The following CCDC148 variants were observed in gnomAD, a reference collection of about 807,000 sequenced individuals.
CCDC148 encodes coiled-coil domain-containing protein 148.
Under a neutral mutation model 85.7 loss-of-function variants are expected in CCDC148, and 89 were observed. That is an observed-to-expected ratio of 1.04 (90% CI 0.87 to 1.24). The LOEUF (loss-of-function observed/expected upper bound fraction) is 1.24. CCDC148 is among the 50% of genes most tolerant of loss of function. The pLI is 0.00. For missense variants in CCDC148, 692 were observed against 671.7 expected (o/e 1.03, Z -0.33); for synonymous variants, 230 against 213.9 (o/e 1.08, Z -0.66).
At chr2:158,236,682 A>T (rs1168356375) in intron 10 of CCDC148, among the ~76,000 whole-genome samples, 1 of 152,186 alleles carries the variant, frequency 6.6e-6, no homozygotes, top group African/African-American at 2.4e-5. Flanking sequence ...CACAGAGCCT[A>T]CATAACTTGC....
chr2:158,418,623 G>A (rs1686618655), intron 1 of CCDC148, among the ~76,000 whole-genome samples: 1 of 150,252 alleles, frequency 6.7e-6, no homozygotes, highest in South Asian at 2.1e-4. Context: ...GATCTTATGT[G>A]ACAATCCTGC....
At chr2:158,327,893 G>A (rs1308764427) in intron 7 of CCDC148, among the ~76,000 whole-genome samples, 1 of 151,934 alleles carries the variant, frequency 6.6e-6, no homozygotes, top group East Asian at 1.9e-4. Flanking sequence ...TCTATATTTA[G>A]AATTGCTATT....
Position 158,178,906 on chromosome 2 carries a change from T to C in CCDC148, c.1461A>G (p.Ala487=), listed in dbSNP as rs1371729869. Reference sequence around the variant, plus strand: ...GTTTCCTAAGGGCTTCTAGCCGCCGTGCTCTCTCTTTGTCTTCATGAGCTT... The same window carrying C: ...GTTTCCTAAGGGCTTCTAGCCGCCGCGCTCTCTCTTTGTCTTCATGAGCTT... The part of the protein sequence containing the change: ...LQEAHEDKER[A]RRLEALRKQV... The change falls in exon 12 of 14, where the codon GCA becomes GCG. Residue 487 remains alanine (A), a synonymous_variant. Transcript: ENST00000283233. 4 of 1,613,614 alleles carry C rather than the reference T, an allele frequency of 2.5e-6. No homozygotes were observed. The South Asian group carries it at 4.4e-5, about 18-fold the overall frequency.
At chr2:158,268,013 T>A (rs1689544005) in intron 9 of CCDC148, among the ~76,000 whole-genome samples, 1 of 152,162 alleles carries the variant, frequency 6.6e-6, no homozygotes, top group Non-Finnish European at 1.5e-5. Context: ...GACGTTTGGG[T>A]TGTTTCCAGT....
chr2:158,249,079 C>T (rs1344011441), intron 10 of CCDC148, among the ~76,000 whole-genome samples: 1 of 152,088 alleles, frequency 6.6e-6, no homozygotes, highest in Non-Finnish European at 1.5e-5. Context: ...AGTTCCTCAA[C>T]CCAAACTTAA....
At chr2:158,247,556 C>T (rs905954225) in intron 10 of CCDC148, among the ~76,000 whole-genome samples, 2 of 152,098 alleles carry the variant, frequency 1.3e-5, no homozygotes, top group East Asian at 3.9e-4. Flanking sequence ...TACTACGGAA[C>T]ACTATGTAGC....
intron 1 of CCDC148, among the ~76,000 whole-genome samples, chr2:158,387,268 A>G (rs1190417041): frequency 1.4e-5 from 2 of 141,560 alleles, no homozygotes; most frequent in Non-Finnish European, 3.0e-5. Flanking sequence ...TAGAAAACAC[A>G]GGCCCACACA....
chr2:158,176,408 T>A (rs933411431), intron 13 of CCDC148, 113 bp downstream of exon 13: 1 of 984,222 alleles, frequency 1.0e-6, no homozygotes, highest in Non-Finnish European at 1.5e-6. Flanking sequence ...TATGCTAATA[T>A]GTAAGATATT....
rs1046927870 is a variant in CCDC148, at chr2:158,456,467, G to A, written c.-28C>T. The A allele has an allele frequency of 1.9e-6, 3 of 1,607,044 alleles. No homozygotes were observed. The highest frequency in any genetic ancestry group is 2.2e-5 in the East Asian group (1 of 44,742). On this transcript the variant is annotated 5_prime_UTR_variant, in exon 1 of 14. Coordinates refer to ENST00000283233, the MANE Select transcript of CCDC148 (RefSeq NM_138803.4). ...CAAAGGTCAAAGGGCATAGCCTCAG[G>A]GACTCCCCAAACGCAGGAAAAGTGA...
chr2:158,326,348 TTCTA>T (rs1363146603), intron 7 of CCDC148, among the ~76,000 whole-genome samples: 1 of 152,120 alleles, frequency 6.6e-6, no homozygotes, highest in Non-Finnish European at 1.5e-5. Flanking sequence ...CCCCAACACT[TTCTA>T]TCTCTCTTAC....
intron 1 of CCDC148, among the ~76,000 whole-genome samples, chr2:158,409,420 T>C (rs142291966): frequency 0.016 from 2,509 of 152,350 alleles, 28 homozygotes; most frequent in Non-Finnish European, 0.027. Context: ...ATGTGAGACA[T>C]GGACTCAAAG....
intron 1 of CCDC148, among the ~76,000 whole-genome samples, chr2:158,432,772 AAAT>A (rs1687412643): frequency 6.6e-6 from 1 of 152,020 alleles, no homozygotes; most frequent in African/African-American, 2.4e-5. Flanking sequence ...AAAGCCAAAA[AAAT>A]AAATTACAGG....
intron 12 of CCDC148, 143 bp from the exon 13 acceptor site, chr2:158,176,804 T>C (rs896398046): frequency 1.1e-5 from 10 of 887,396 alleles, no homozygotes; most frequent in African/African-American, 1.7e-5. Flanking sequence ...GAAATATTAA[T>C]TGGTCAGTCC....
At chr2:158,296,384 G>A (rs4416173) in intron 9 of CCDC148, among the ~76,000 whole-genome samples, 5 of 152,116 alleles carry the variant, frequency 3.3e-5, no homozygotes, top group Non-Finnish European at 7.3e-5. Flanking sequence ...GACTTGAGAT[G>A]TGTGGATCTA....
chr2:158,348,950 G>A (rs1008535607), intron 2 of CCDC148, among the ~76,000 whole-genome samples: 1 of 152,016 alleles, frequency 6.6e-6, no homozygotes. Context: ...TACACACAAT[G>A]TACCAAAATT....
At chr2:158,272,096 G>A (rs188815308) in intron 9 of CCDC148, among the ~76,000 whole-genome samples, 33 of 152,206 alleles carry the variant, frequency 2.2e-4, no homozygotes, top group Non-Finnish European at 3.8e-4. Context: ...TTAATATCAG[G>A]ACAAAATATA....
intron 1 of CCDC148, among the ~76,000 whole-genome samples, chr2:158,369,622 A>T (rs1003335781): frequency 3.3e-5 from 5 of 152,122 alleles, no homozygotes; most frequent in Admixed American, 3.3e-4. Context: ...GCACACAGAG[A>T]CAGTTTTACT....
intron 7 of CCDC148, among the ~76,000 whole-genome samples, chr2:158,323,358 T>C (rs1692609702): frequency 6.6e-6 from 1 of 152,234 alleles, no homozygotes; most frequent in Non-Finnish European, 1.5e-5. Flanking sequence ...ATATTGATTG[T>C]ATGTTGAAAT....
chr2:158,295,675 T>C (rs7580397), intron 9 of CCDC148, among the ~76,000 whole-genome samples: 118,046 of 129,066 alleles, frequency 0.91, 54,061 homozygotes, highest in East Asian at 0.97. Context: ...AATTCAACAA[T>C]GCTTCATGCT....
Sources: allele counts gnomAD v4.1 joint callset (sites outside exome capture counted in the v4.1 genomes callset), GRCh38; gene constraint gnomAD v4.1.1; transcripts MANE v1.5; gene names NCBI Gene and HGNC (gene_info 2026-07-23, HGNC 2026-07-21).